Variants in LARGE1 observed in about 807,000 individuals in gnomAD.
LARGE1 encodes the protein LARGE xylosyl- and glucuronyltransferase 1.
Under a neutral mutation model 87.6 loss-of-function variants are expected in LARGE1, and 43 were observed. The ratio of observed to expected loss-of-function variants is 0.49; its 90% confidence interval spans 0.38 to 0.63. The LOEUF is 0.63. Ranked by LOEUF, LARGE1 falls within the 30% of genes least tolerant of loss-of-function variation. The pLI is 0.00. For missense variants in LARGE1, 802 were observed against 1,000.2 expected, an observed-to-expected ratio of 0.80 and a Z score of 2.67; for synonymous variants, 434 against 394.6, an observed-to-expected ratio of 1.10 and a Z score of -1.18.
At chr22:33,359,328 TG>T (rs1322485095) in intron 9 of LARGE1, among the ~76,000 whole-genome samples, 1 of 152,210 alleles carries the variant, frequency 6.6e-6, no homozygotes, top group Non-Finnish European at 1.5e-5. Context: ...ACTTAACCTG[TG>T]TGATCCTTCA....
At chr22:33,275,848 A>C (rs1929162509) in intron 14 of LARGE1, among the ~76,000 whole-genome samples, 1 of 152,264 alleles carries the variant, frequency 6.6e-6, no homozygotes, top group African/African-American at 2.4e-5. Context: ...TGGACACATG[A>C]ACATGACATT....
chr22:33,913,487 C>T (rs1369783714), intron 1 of LARGE1, among the ~76,000 whole-genome samples: 1 of 152,146 alleles, frequency 6.6e-6, no homozygotes, highest in African/African-American at 2.4e-5. Context: ...TATTAGGCTC[C>T]TAGCGGGTTA....
At chr22:33,120,808 T>C in the LARGE1 span, among the ~76,000 whole-genome samples, 13 of 152,000 alleles carry the variant, frequency 8.6e-5, no homozygotes, top group South Asian at 2.1e-4. Context: ...TGATCCACCA[T>C]GCCCAACCAC....
the LARGE1 span, among the ~76,000 whole-genome samples, chr22:33,075,379 T>C: frequency 6.6e-6 from 1 of 152,250 alleles, no homozygotes; most frequent in Non-Finnish European, 1.5e-5. Context: ...TAATTTGTTT[T>C]ATCAAAAAAT....
chr22:33,253,415 C>T (rs1927101698), intron 11 of LARGE1, among the ~76,000 whole-genome samples: 1 of 152,074 alleles, frequency 6.6e-6, no homozygotes, highest in Admixed American at 6.6e-5. Flanking sequence ...TGGGAGGAAA[C>T]AGACTAGGTA....
chr22:33,918,094 C>T (rs2147001310), intron 1 of LARGE1, among the ~76,000 whole-genome samples: 1 of 152,330 alleles, frequency 6.6e-6, no homozygotes, highest in East Asian at 1.9e-4. Flanking sequence ...ACAAAGGAAA[C>T]CTTCGTCACA....
chr22:33,080,960 T>TCCAA, the LARGE1 span, among the ~76,000 whole-genome samples: 1 of 148,866 alleles, frequency 6.7e-6, no homozygotes, highest in East Asian at 2.0e-4. Context: ...CTTCCATCCA[T>TCCAA]CCATCCATCC....
chr22:33,078,258 A>T, the LARGE1 span, among the ~76,000 whole-genome samples: 11,947 of 152,252 alleles, frequency 0.078, 698 homozygotes, highest in East Asian at 0.28. Context: ...AGTCTGCCAA[A>T]TTGTCATCAT....
chr22:33,554,484 C>G (rs1438950768), intron 6 of LARGE1, among the ~76,000 whole-genome samples: 2 of 152,158 alleles, frequency 1.3e-5, no homozygotes, highest in Non-Finnish European at 2.9e-5. Context: ...CTTGTAAGAT[C>G]TAGACCTGTT....
At chr22:33,824,761 G>A (rs965675963) in intron 1 of LARGE1, among the ~76,000 whole-genome samples, 1 of 152,120 alleles carries the variant, frequency 6.6e-6, no homozygotes, top group Non-Finnish European at 1.5e-5. Context: ...GTAACTCATA[G>A]GACTATAATG....
chr22:33,458,493 G>A (rs149534633), intron 6 of LARGE1, among the ~76,000 whole-genome samples: 2,926 of 151,640 alleles, frequency 0.019, 42 homozygotes, highest in Middle Eastern at 0.051. Context: ...GTGCAATGGC[G>A]TGATCTCGGC....
At chr22:33,640,111 A>T (rs2080384001) in intron 3 of LARGE1, among the ~76,000 whole-genome samples, 1 of 152,232 alleles carries the variant, frequency 6.6e-6, no homozygotes, top group African/African-American at 2.4e-5. Context: ...GATGAGCTTC[A>T]GCACTTGGAA....
intron 2 of LARGE1, among the ~76,000 whole-genome samples, chr22:33,739,811 A>ATT (rs1308972522): frequency 6.6e-6 from 1 of 152,214 alleles, no homozygotes; most frequent in African/African-American, 2.4e-5. Context: ...AATCGCTGCT[A>ATT]TTAATACAGA....
At chr22:33,647,027 C>T (rs1210308214) in intron 3 of LARGE1, among the ~76,000 whole-genome samples, 1 of 152,252 alleles carries the variant, frequency 6.6e-6, no homozygotes, top group African/African-American at 2.4e-5. Context: ...CTGTGTCCAG[C>T]CTAAAGCAGT....
chr22:33,837,448 C>T (rs995006854), intron 1 of LARGE1, among the ~76,000 whole-genome samples: 2 of 152,282 alleles, frequency 1.3e-5, no homozygotes, highest in African/African-American at 2.4e-5. Context: ...CACTTTCATG[C>T]ATGCCCTAAC....
downstream of LARGE1, among the ~76,000 whole-genome samples, chr22:33,270,367 C>T (rs1173516639): frequency 1.3e-5 from 2 of 152,120 alleles, no homozygotes; most frequent in East Asian, 3.8e-4. Flanking sequence ...ACTGTACAAG[C>T]CTCGCAGCTA....
chr22:33,149,283 C>A, the LARGE1 span, among the ~76,000 whole-genome samples: 1 of 152,014 alleles, frequency 6.6e-6, no homozygotes, highest in Non-Finnish European at 1.5e-5. Flanking sequence ...ACCTCGTGAT[C>A]CGCCCGCCTT....
intron 1 of LARGE1, among the ~76,000 whole-genome samples, chr22:33,883,553 T>C (rs1444951106): frequency 6.6e-6 from 1 of 152,246 alleles, no homozygotes; most frequent in Non-Finnish European, 1.5e-5. Flanking sequence ...TCTCTTCCAA[T>C]GCACACTGTG....
At chr22:33,915,060 G>A (rs2146982600) in intron 1 of LARGE1, among the ~76,000 whole-genome samples, 1 of 151,462 alleles carries the variant, frequency 6.6e-6, no homozygotes, top group African/African-American at 2.4e-5. Flanking sequence ...GAGAGAGAGA[G>A]AGAGGCTTCT....
Sources: gnomAD v4.1 joint callset for allele counts (sites outside exome capture counted in the v4.1 genomes callset) on GRCh38, gnomAD v4.1.1 for gene constraint, MANE v1.5 for transcripts, NCBI Gene and HGNC (gene_info 2026-07-23, HGNC 2026-07-21) for gene names.